The following GRIN2B variants were observed in gnomAD, a reference collection of about 807,000 sequenced individuals.
The protein encoded by GRIN2B is glutamate receptor ionotropic, NMDA 2B.
GRIN2B carries 5 observed loss-of-function variants against 114.5 expected under a neutral mutation model. The ratio of observed to expected loss-of-function variants is 0.04; its 90% CI spans 0.02 to 0.09. The LOEUF is 0.09. Among genes scored for constraint, GRIN2B ranks in the 10% least tolerant of loss-of-function variants. The pLI, the probability that GRIN2B is intolerant of heterozygous loss-of-function variation, is 1.00. For synonymous variants in GRIN2B, 787 were observed against 745.1 expected, an observed-to-expected ratio of 1.06 and a Z score of -0.92; for missense variants, 1,108 against 1,943.5, an observed-to-expected ratio of 0.57 and a Z score of 8.08.
At chr12:13,814,651 G>A (rs2136687419) in intron 3 of GRIN2B, among the ~76,000 whole-genome samples, 1 of 152,282 alleles carries the variant, frequency 6.6e-6, no homozygotes, top group East Asian at 1.9e-4. Context: ...TTGCAGCACT[G>A]TCCAACAGAA....
chr12:13,791,575 C>G (rs963895022), intron 3 of GRIN2B, among the ~76,000 whole-genome samples: 1 of 152,054 alleles, frequency 6.6e-6, no homozygotes, highest in Non-Finnish European at 1.5e-5. Context: ...ATTGGGGTAC[C>G]TATAATTTTC....
chr12:13,611,174 G>A (rs1331715209), intron 9 of GRIN2B, among the ~76,000 whole-genome samples: 1 of 152,118 alleles, frequency 6.6e-6, no homozygotes, highest in African/African-American at 2.4e-5. Flanking sequence ...GTGAGAATTG[G>A]TCTTTCCCAT....
At chr12:13,729,509 A>G (rs1336525069) in intron 4 of GRIN2B, among the ~76,000 whole-genome samples, 1 of 152,104 alleles carries the variant, frequency 6.6e-6, no homozygotes, top group Non-Finnish European at 1.5e-5. Context: ...GGCGGGTGGA[A>G]GGAAGAGTCA....
At chr12:13,683,826 A>C (rs1462377957) in intron 4 of GRIN2B, 1 of 152,228 alleles carries the variant, frequency 6.6e-6, no homozygotes, top group East Asian at 1.9e-4. Context: ...AGTAAGCATT[A>C]TGTATTAGTT....
chr12:13,636,721 G>A (rs962240583), intron 5 of GRIN2B, among the ~76,000 whole-genome samples: 2 of 152,162 alleles, frequency 1.3e-5, no homozygotes, highest in Non-Finnish European at 2.9e-5. Flanking sequence ...CAGTGATTAG[G>A]CTGTGGCCAA....
At chr12:13,607,252 T>TG (rs1323833778) in intron 10 of GRIN2B, among the ~76,000 whole-genome samples, 3 of 77,222 alleles carry the variant, frequency 3.9e-5, no homozygotes, top group Non-Finnish European at 6.8e-5. Flanking sequence ...ATAAAAAATA[T>TG]ATATTATATA....
intron 4 of GRIN2B, among the ~76,000 whole-genome samples, chr12:13,732,725 T>C (rs1863105821): frequency 6.6e-6 from 1 of 152,250 alleles, no homozygotes; most frequent in Admixed American, 6.5e-5. Flanking sequence ...TATAGCTCTT[T>C]GCAAAGTAGG....
intron 3 of GRIN2B, among the ~76,000 whole-genome samples, chr12:13,833,324 G>A (rs142451578): frequency 3.1e-4 from 47 of 152,242 alleles, no homozygotes; most frequent in African/African-American, 9.9e-4. Flanking sequence ...TGGTCCTCAC[G>A]AGGAGATGAA....
At chr12:13,915,948 A>T (rs989368849) in intron 2 of GRIN2B, among the ~76,000 whole-genome samples, 1 of 152,074 alleles carries the variant, frequency 6.6e-6, no homozygotes, top group Non-Finnish European at 1.5e-5. Context: ...AAATGCAGGT[A>T]AAATCAACAT....
chr12:13,559,632 CCAT>C lies in GRIN2B; in HGVS notation c.*3148_*3150del, dbSNP rs1273429001. 2.0e-5 allele frequency: 3 copies of C among 152,168 alleles called. No homozygotes were observed. Among genetic ancestry groups the C allele is most frequent in the African/African-American group, 7.2e-5 (3 of 41,434 alleles). 9.4% of individuals were successfully genotyped at this position (152,168 alleles called of 1,614,324 possible). On this transcript the variant is annotated 3_prime_UTR_variant, in exon 14 of 14. Coordinates refer to ENST00000609686, the MANE Select transcript of GRIN2B (RefSeq NM_000834.5). Reference sequence around the variant, plus strand: ...CTCACCACTGAGTTTCTAGTGGATCCCATCATCTTTTCTAGAAAAGCATGCAAA... The same window carrying C: ...CTCACCACTGAGTTTCTAGTGGATCCCATCTTTTCTAGAAAAGCATGCAAA...
At chr12:13,888,794 A>C (rs987243271) in intron 2 of GRIN2B, among the ~76,000 whole-genome samples, 2 of 9,406 alleles carry the variant, frequency 2.1e-4, no homozygotes, top group Non-Finnish European at 1.8e-3. Context: ...ATAAAAGATA[A>C]AAAAAAAAAA....
rs563003068 is a variant in GRIN2B, at chr12:13,572,968, A to G, written c.2011-1004T>C. On this transcript the variant is annotated intron_variant, in intron 10 of 13. Coordinates refer to ENST00000609686, the MANE Select transcript of GRIN2B (RefSeq NM_000834.5). Reference sequence around the variant, plus strand: ...CTCTAAATGTGCTAGCTCGTCTCTGATGTCATCATTAAGAGTTTAAACTCT... The same window carrying G: ...CTCTAAATGTGCTAGCTCGTCTCTGGTGTCATCATTAAGAGTTTAAACTCT... Among the ~76,000 whole-genome samples, 114 of 150,298 alleles carry G rather than the reference A, an allele frequency of 7.6e-4. 6 individuals carry two copies. The highest frequency in any genetic ancestry group is 2.7e-3 in the African/African-American group (108 of 40,600).
At chr12:13,568,730 C>T (rs1165657449) in intron 12 of GRIN2B, among the ~76,000 whole-genome samples, 2 of 152,198 alleles carry the variant, frequency 1.3e-5, no homozygotes, top group Non-Finnish European at 2.9e-5. Context: ...TCTGGCTGCT[C>T]ATCCACAACT....
At chr12:13,905,421 G>A (rs768729020) in intron 2 of GRIN2B, among the ~76,000 whole-genome samples, 3 of 152,030 alleles carry the variant, frequency 2.0e-5, no homozygotes, top group Non-Finnish European at 4.4e-5. Context: ...AATACTTTTT[G>A]CGCTTTCCTG....
At chr12:13,736,058 C>T (rs1044384371) in intron 4 of GRIN2B, among the ~76,000 whole-genome samples, 1 of 147,078 alleles carries the variant, frequency 6.8e-6, no homozygotes, top group East Asian at 2.0e-4. Flanking sequence ...TTTACCTTTG[C>T]AATAGAAATA....
intron 3 of GRIN2B, among the ~76,000 whole-genome samples, chr12:13,816,967 G>A (rs1385209193): frequency 6.6e-6 from 1 of 152,044 alleles, no homozygotes; most frequent in Non-Finnish European, 1.5e-5. Context: ...CCCATGCATT[G>A]GGTTCTTTTA....
intron 3 of GRIN2B, among the ~76,000 whole-genome samples, chr12:13,762,073 G>A (rs957852051): frequency 2.0e-5 from 3 of 152,124 alleles, no homozygotes; most frequent in South Asian, 4.2e-4. Flanking sequence ...GTGCAATCTC[G>A]GCTCACTGCA....
At chr12:13,821,483 C>T (rs1397040143) in intron 3 of GRIN2B, among the ~76,000 whole-genome samples, 1 of 152,214 alleles carries the variant, frequency 6.6e-6, no homozygotes, top group Non-Finnish European at 1.5e-5. Flanking sequence ...CTGATGATCC[C>T]TTCCATCTTA....
intron 4 of GRIN2B, among the ~76,000 whole-genome samples, chr12:13,684,124 CT>C (rs1950156231): frequency 6.6e-6 from 1 of 152,142 alleles, no homozygotes; most frequent in African/African-American, 2.4e-5. Context: ...TTAGTTACCC[CT>C]GTGAGGTTTT....
Sources: gnomAD v4.1 joint callset for allele counts (sites outside exome capture counted in the v4.1 genomes callset) on GRCh38, gnomAD v4.1.1 for gene constraint, MANE v1.5 for transcripts, NCBI Gene and HGNC (gene_info 2026-07-23, HGNC 2026-07-21) for gene names.